EXOC7: variants seen among roughly 807,000 people sequenced by gnomAD.
The protein encoded by EXOC7 is exocyst complex component Exo70.
A neutral mutation model predicts 87.6 loss-of-function variants in EXOC7; 51 were observed. The observed-to-expected ratio is 0.58, with a 90% CI of 0.46 to 0.73. EXOC7 has a LOEUF of 0.73. Ranked by LOEUF, EXOC7 falls within the 30% of genes least tolerant of loss-of-function variation. EXOC7 has a pLI of 0.00. For synonymous variants in EXOC7, 327 were observed against 357.1 expected (o/e 0.92, Z 0.95); for missense variants, 744 against 888.4 (o/e 0.84, Z 2.07).
In EXOC7 at chr17:76,101,837, G is replaced by T; in HGVS notation, c.153C>A (p.Ser51Arg). The change falls in exon 3 of 19, where the codon AGC (serine) becomes AGA (arginine). Residue 51 changes from serine (S) to arginine (R), a missense_variant. Physicochemically the swap from Ser to Arg is moderately radical, Grantham distance 110. Transcript: ENST00000589210. ...NMVSILSSFE[S>R]RLMKLENSII... ...TGGAGTTCTCCAGCTTCATAAGGCG[G>T]CTCTCAAAGGATGATAAGATAGACA... 6.2e-7 allele frequency: 1 copy of T among 1,613,644 alleles called. No homozygotes were observed. Among genetic ancestry groups the T allele is most frequent in the Non-Finnish European group, 8.5e-7 (1 of 1,179,854 alleles).
At chr17:76,103,593 T>C (rs1457046538) in intron 1 of EXOC7, 40 bp downstream of exon 1, 1 of 1,610,602 alleles carries the variant, frequency 6.2e-7, no homozygotes, top group Admixed American at 1.7e-5. Context: ...TTGGCCCCTT[T>C]CCCTCACCTC....
intron 15 of EXOC7, 71 bp downstream of exon 15, chr17:76,085,243 A>C: frequency 9.7e-6 from 12 of 1,241,028 alleles, no homozygotes; most frequent in Non-Finnish European, 1.1e-5. Context: ...CTGTGTCCTG[A>C]GGTGCTGAGA....
chr17:76,084,110 G>A lies in EXOC7; in HGVS notation c.1848C>T (p.Cys616=), dbSNP rs1567956395. Residue 616 remains cysteine, a synonymous_variant, in exon 18 of 19, where the codon TGC becomes TGT. Transcript: ENST00000589210. ...GAATAGCCCAGGCCTTCTGGATTTT[G>A]CACAGTTCTTCGAGGCCATCATTGA... ...KGFNDGLEEL[C]KIQKAWAIPD... is the part of the protein sequence containing the mutation. The A allele has an allele frequency of 1.9e-6, 3 of 1,606,242 alleles. No individual in the cohort carries two copies. In the Admixed American group the frequency reaches 5.2e-5, roughly 28 times the overall value.
rs558028868 is a variant in EXOC7 at position 76,081,046 on chromosome 17, A to G, written c.*2602T>C. 2.9e-5 allele frequency: 15 copies of G among 515,124 alleles called. No individual in the cohort carries two copies. Among genetic ancestry groups the G allele is most frequent in the Non-Finnish European group, 3.9e-5 (11 of 283,628 alleles). The allele number at this position is 515,124 out of a possible 1,614,324, so 31.9% of individuals were successfully genotyped here. ...TGGTGCAAAGTACATTTATTTTTAC[A>G]ATGAAAGCTCATCTATGAATCTGAT... On this transcript the variant is annotated 3_prime_UTR_variant, in exon 19 of 19. Coordinates refer to ENST00000589210, the MANE Select transcript of EXOC7 (RefSeq NM_001013839.4).
At position 76,081,412 on chromosome 17, in the gene EXOC7, G is replaced by C. The variant is rs199930768; in HGVS notation, c.*2236C>G. On this transcript the variant is annotated 3_prime_UTR_variant, in exon 19 of 19. Coordinates refer to ENST00000589210, the MANE Select transcript of EXOC7 (RefSeq NM_001013839.4). ...CTGCTTCCAGGTGACGGTGAGTCAA[G>C]TCGGGAGGAGGCCGACAGAGGGCTG... 4.4e-5 allele frequency: 71 copies of C among 1,614,026 alleles called. No individual in the cohort carries two copies. The highest frequency in any genetic ancestry group is 3.4e-6 in the Non-Finnish European group (4 of 1,180,008).
chr17:76,088,280 C>T, intron 10 of EXOC7, 158 bp from the exon 11 acceptor site: 1 of 949,840 alleles, frequency 1.1e-6, no homozygotes, highest in South Asian at 1.5e-5. Flanking sequence ...AGGCCCTTCC[C>T]ACTTCAGAGG....
At position 76,097,703 on chromosome 17, in the gene EXOC7, CAAAAAAAAAAAAAAA is replaced by C. The variant is rs57781252; in HGVS notation, c.640+78_640+92del. On this transcript the variant is annotated intron_variant, in intron 5 of 18. Transcript: ENST00000589210. ...TGGGCAACAGAGCAAGACTCCATCT[CAAAAAAAAAAAAAAA>C]AAAAAAAAAAAAAGAACAAAGGGGA... 2.8e-4 allele frequency: 88 copies of C among 318,274 alleles called. 1 individual carries two copies. Among genetic ancestry groups the C allele is most frequent in the African/African-American group, 2.7e-3 (51 of 19,206 alleles). The allele number at this position is 318,274 out of a possible 1,614,324, so 19.7% of individuals were successfully genotyped here. A position where few individuals can be genotyped will look rare whatever the true frequency, so the allele number is the denominator to read the frequency against.
chr17:76,101,638 G>A, intron 3 of EXOC7, 41 bp downstream of exon 3: 1 of 1,573,446 alleles, frequency 6.4e-7, no homozygotes, highest in Non-Finnish European at 8.6e-7. Context: ...TGTTGGCCCA[G>A]GAGGCATTAG....
In EXOC7 at chr17:76,082,750, C is replaced by A; in HGVS notation, c.*898G>T. On this transcript the variant is annotated 3_prime_UTR_variant, in exon 19 of 19. Coordinates refer to ENST00000589210, the MANE Select transcript of EXOC7 (RefSeq NM_001013839.4). ...GGCCTCTGGATTAAGCCACCCTGAG[C>A]TCTCCCTCCGCTAGCACACAAGCAC... The A allele has an allele frequency of 8.2e-7, 1 of 1,221,572 alleles. No homozygotes were observed. The allele number at this position is 1,221,572 out of a possible 1,614,324, so 75.7% of individuals were successfully genotyped here.
chr17:76,086,949 G>C (rs1278929575), intron 12 of EXOC7: 1 of 1,495,758 alleles, frequency 6.7e-7, no homozygotes, highest in Non-Finnish European at 9.1e-7. Context: ...AAAGGAGGGA[G>C]AAAGATGCAA....
At chr17:76,091,044 G>A in intron 7 of EXOC7, 99 bp downstream of exon 7, 4 of 1,043,346 alleles carry the variant, frequency 3.8e-6, no homozygotes, top group Non-Finnish European at 6.0e-6. Flanking sequence ...CTCCCCTCAG[G>A]GTTTCTCCCG....
chr17:76,088,418 T>C (rs770740205), intron 10 of EXOC7, 46 bp downstream of exon 10: 1 of 1,569,454 alleles, frequency 6.4e-7, no homozygotes. Context: ...CAGGTCACTG[T>C]GGTGCTGGGC....
chr17:76,096,511 C>CAA (rs780542530), intron 5 of EXOC7, among the ~76,000 whole-genome samples: 23,957 of 69,622 alleles, frequency 0.34, 4,118 homozygotes, highest in South Asian at 0.54. Context: ...GACTCTGTCT[C>CAA]AAAAAAAAAA....
In EXOC7 at chr17:76,082,614, T is replaced by C. The variant is rs1458740774; in HGVS notation, c.*1034A>G. The C allele has an allele frequency of 1.2e-6, 2 of 1,613,096 alleles. No individual in the cohort carries two copies. Among genetic ancestry groups the C allele is most frequent in the Admixed American group, 3.3e-5 (2 of 59,982 alleles). ...CAGCGTGCAAGTCTGACGCAGCCCC[T>C]GGAGAGGCTGCACCCCATGGCAGGC... On this transcript the variant is annotated 3_prime_UTR_variant, in exon 19 of 19. Coordinates refer to ENST00000589210, the MANE Select transcript of EXOC7 (RefSeq NM_001013839.4).
intron 7 of EXOC7, 180 bp downstream of exon 7, chr17:76,090,963 C>T (rs1254304082): frequency 7.7e-6 from 5 of 647,456 alleles, no homozygotes; most frequent in Admixed American, 2.6e-5. Flanking sequence ...AGGACCAGGC[C>T]GAGGGCTGCG....
chr17:76,101,846 G>A lies in EXOC7; in HGVS notation c.144C>T (p.Ser48=), dbSNP rs1555643721. ...LTKNMVSILS[S]FESRLMKLEN... The stretch of plus-strand genomic sequence containing the variant: ...CCAGCTTCATAAGGCGGCTCTCAAA[G>A]GATGATAAGATAGACACCTGCGGGA... The change falls in exon 3 of 19, where the codon TCC becomes TCT. Residue 48 remains serine (S), a synonymous_variant. Coordinates refer to ENST00000589210, the MANE Select transcript of EXOC7 (RefSeq NM_001013839.4). 1 of 1,613,430 alleles carries A rather than the reference G, an allele frequency of 6.2e-7. No homozygotes were observed. The highest frequency in any genetic ancestry group is 1.7e-5 in the Admixed American group (1 of 59,946).
chr17:76,098,865 C>CA (rs55644538), intron 4 of EXOC7, among the ~76,000 whole-genome samples: 1,504 of 106,800 alleles, frequency 0.014, 16 homozygotes, highest in Middle Eastern at 0.04. Context: ...GACTCCGTCT[C>CA]AAAAAAAAAA....
chr17:76,089,684 G>A (rs1394814377), intron 7 of EXOC7: 4 of 266,400 alleles, frequency 1.5e-5, no homozygotes, highest in Non-Finnish European at 7.4e-6. Flanking sequence ...CCTGAAAGAG[G>A]GCAGCCCAGG....
rs1310705947 is a variant in EXOC7, at chr17:76,082,425, T to C, written c.*1223A>G. ...CTCTTCCGCTCATGTTGAGGGGACC[T>C]TGAAGAACAGCTCCTTTCCCTGTAT... is the stretch of plus-strand genomic sequence containing the variant. On this transcript the variant is annotated 3_prime_UTR_variant, in exon 19 of 19. Coordinates refer to ENST00000589210, the MANE Select transcript of EXOC7 (RefSeq NM_001013839.4). 4 of 1,556,190 alleles carry C rather than the reference T, an allele frequency of 2.6e-6. No homozygotes were observed. The highest frequency in any genetic ancestry group is 1.2e-5 in the South Asian group (1 of 82,530).
Sources: gnomAD v4.1 joint callset for allele counts (sites outside exome capture counted in the v4.1 genomes callset) on GRCh38, gnomAD v4.1.1 for gene constraint, MANE v1.5 for transcripts, NCBI Gene and HGNC (gene_info 2026-07-23, HGNC 2026-07-21) for gene names.